HECW1: variants seen among roughly 807,000 people sequenced by gnomAD.
HECW1 encodes HECT, C2 and WW domain containing E3 ubiquitin protein ligase 1.
HECW1 carries 61 observed loss-of-function variants against 182.3 expected under a neutral mutation model. The observed-to-expected ratio is 0.33, with a 90% CI of 0.27 to 0.41. HECW1 has a LOEUF of 0.41. HECW1 is among the 10% of genes least tolerant of loss of function. The pLI is 1.00. For missense variants in HECW1, 1,739 were observed against 2,108.9 expected, an observed-to-expected ratio of 0.82 and a Z score of 3.44; for synonymous variants, 859 against 832.6, an observed-to-expected ratio of 1.03 and a Z score of -0.55.
chr7:43,514,301 C>CTTTTTT (rs59223768), intron 24 of HECW1, among the ~76,000 whole-genome samples: 3 of 140,494 alleles, frequency 2.1e-5, no homozygotes, highest in African/African-American at 5.2e-5. Context: ...CTTTTCTTTT[C>CTTTTTT]TTTTTTTTTT....
intron 5 of HECW1, among the ~76,000 whole-genome samples, chr7:43,324,523 T>C (rs930417757): frequency 1.3e-5 from 2 of 152,180 alleles, no homozygotes; most frequent in Non-Finnish European, 2.9e-5. Flanking sequence ...AACGTTCTCA[T>C]ATGGCTATCC....
At chr7:43,324,464 A>G in intron 5 of HECW1, among the ~76,000 whole-genome samples, 1 of 152,228 alleles carries the variant, frequency 6.6e-6, no homozygotes, top group East Asian at 1.9e-4. Flanking sequence ...TCAAAAATGT[A>G]TGATTGAGAG....
At chr7:43,331,811 G>A (rs1811531892) in intron 5 of HECW1, among the ~76,000 whole-genome samples, 1 of 152,172 alleles carries the variant, frequency 6.6e-6, no homozygotes, top group East Asian at 1.9e-4. Context: ...GGTAGGTGGT[G>A]GAGCTGGGAT....
At chr7:43,121,910 C>G (rs1785658465) in intron 2 of HECW1, 1 of 152,164 alleles carries the variant, frequency 6.6e-6, no homozygotes, top group African/African-American at 2.4e-5. Context: ...ACTTCTTTCT[C>G]CGAATGTGAA....
At chr7:43,467,043 C>T (rs1563016676) in intron 15 of HECW1, among the ~76,000 whole-genome samples, 1 of 151,980 alleles carries the variant, frequency 6.6e-6, no homozygotes, top group African/African-American at 2.4e-5. Context: ...TTTTTCATTG[C>T]TTTTTTGGTA....
intron 19 of HECW1, 100 bp from the exon 20 acceptor site, chr7:43,500,599 T>C: frequency 1.1e-6 from 1 of 944,118 alleles, no homozygotes; most frequent in Non-Finnish European, 1.7e-6. Context: ...GACATTGCTA[T>C]TCAGCAGTAT....
intron 2 of HECW1, among the ~76,000 whole-genome samples, chr7:43,174,755 C>T (rs1792044065): frequency 6.6e-6 from 1 of 152,112 alleles, no homozygotes. Context: ...TTTATTTTAA[C>T]CAACTCATTG....
At chr7:43,352,212 T>C (rs2152806905) in intron 5 of HECW1, among the ~76,000 whole-genome samples, 1 of 152,336 alleles carries the variant, frequency 6.6e-6, no homozygotes, top group South Asian at 2.1e-4. Context: ...GGCTAGGGTT[T>C]CTAGATCTAG....
At chr7:43,335,663 C>T (rs907265478) in intron 5 of HECW1, among the ~76,000 whole-genome samples, 3 of 152,186 alleles carry the variant, frequency 2.0e-5, no homozygotes, top group African/African-American at 7.2e-5. Context: ...CAAATTCTTA[C>T]AATATTTGGA....
intron 2 of HECW1, among the ~76,000 whole-genome samples, chr7:43,210,459 G>GTGTGTGTA (rs1795909439): frequency 6.7e-6 from 1 of 149,628 alleles, no homozygotes; most frequent in Non-Finnish European, 1.5e-5. Context: ...GAGTGTGTGT[G>GTGTGTGTA]TGTGTGTGTG....
At chr7:43,324,515 C>G (rs192828266) in intron 5 of HECW1, among the ~76,000 whole-genome samples, 2 of 152,202 alleles carry the variant, frequency 1.3e-5, no homozygotes, top group Non-Finnish European at 2.9e-5. Flanking sequence ...CTCTACGAAA[C>G]GTTCTCATAT....
At chr7:43,198,629 T>C (rs1016320268) in intron 2 of HECW1, among the ~76,000 whole-genome samples, 3 of 138,188 alleles carry the variant, frequency 2.2e-5, no homozygotes, top group Non-Finnish European at 3.1e-5. Flanking sequence ...TCACACACCA[T>C]AGTCACACAC....
Position 43,221,537 on chromosome 7 carries a change from GTTTTTTTTTT to G in HECW1, c.-31-22305_-31-22296del, listed in dbSNP as rs71008897. Among the ~76,000 whole-genome samples, 15 of 50,532 alleles carry G rather than the reference GTTTTTTTTTT, an allele frequency of 3.0e-4. 1 individual carries two copies. The highest frequency in any genetic ancestry group is 8.4e-4 in the African/African-American group (11 of 13,040). 33.2% of individuals were successfully genotyped at this position (50,532 alleles called of 152,430 possible). On this transcript the variant is annotated intron_variant, in intron 2 of 29. Coordinates refer to ENST00000395891, the MANE Select transcript of HECW1 (RefSeq NM_015052.5). ...CTAAACTAAATGTCAGAGGAATTAG[GTTTTTTTTTT>G]TTTTTTTTTTTTTTTTTTTTTTTTT...
chr7:43,488,487 A>AGAAAGAAAG (rs2078800046), intron 17 of HECW1, among the ~76,000 whole-genome samples: 1 of 121,196 alleles, frequency 8.3e-6, no homozygotes, highest in Non-Finnish European at 1.8e-5. Context: ...AAAGAAAGAA[A>AGAAAGAAAG]GAGAAAGAAA....
intron 8 of HECW1, among the ~76,000 whole-genome samples, chr7:43,430,396 T>G (rs10225452): frequency 0.63 from 95,125 of 152,074 alleles, 29,973 homozygotes; most frequent in East Asian, 0.92. Context: ...ATCAAGTTAG[T>G]AAAAATTGCA....
chr7:43,184,164 C>T (rs1360958774), intron 2 of HECW1, among the ~76,000 whole-genome samples: 3 of 152,166 alleles, frequency 2.0e-5, no homozygotes, highest in Non-Finnish European at 4.4e-5. Flanking sequence ...CAGGTGCCCA[C>T]CACCATGCCT....
intron 17 of HECW1, among the ~76,000 whole-genome samples, chr7:43,481,953 C>T (rs1349015017): frequency 2.1e-5 from 3 of 140,716 alleles, no homozygotes; most frequent in African/African-American, 8.0e-5. Context: ...CCAGCCTGAG[C>T]GACACAGCGA....
chr7:43,387,462 G>A (rs2074845894), intron 6 of HECW1, among the ~76,000 whole-genome samples: 1 of 152,146 alleles, frequency 6.6e-6, no homozygotes, highest in Non-Finnish European at 1.5e-5. Flanking sequence ...GCTTCTGCCT[G>A]TATGTTTATC....
chr7:43,205,122 T>C (rs1795344691), intron 2 of HECW1, among the ~76,000 whole-genome samples: 1 of 152,080 alleles, frequency 6.6e-6, no homozygotes, highest in South Asian at 2.1e-4. Context: ...CTCGCACTAT[T>C]GCCCGGGCTG....
Sources: gnomAD v4.1 joint callset for allele counts (sites outside exome capture counted in the v4.1 genomes callset) on GRCh38, gnomAD v4.1.1 for gene constraint, MANE v1.5 for transcripts, NCBI Gene and HGNC (gene_info 2026-07-23, HGNC 2026-07-21) for gene names.